Variants in GALNT7 observed in about 807,000 individuals in gnomAD.
GALNT7 encodes N-acetylgalactosaminyltransferase 7.
GALNT7 carries 60 observed loss-of-function variants against 82.1 expected under a neutral mutation model. The ratio of observed to expected loss-of-function variants is 0.73; its 90% CI spans 0.59 to 0.91. The LOEUF (loss-of-function observed/expected upper bound fraction) is 0.91, where lower values mean the gene tolerates loss of function less well. Ranked by LOEUF, GALNT7 falls within the 40% of genes least tolerant of loss-of-function variation. The pLI is 0.00. For synonymous variants in GALNT7, 243 were observed against 275.1 expected, an observed-to-expected ratio of 0.88 and a Z score of 1.15; for missense variants, 660 against 804.2, an observed-to-expected ratio of 0.82 and a Z score of 2.17.
chr4:173,182,817 TACACAC>T (rs66792322), intron 1 of GALNT7, among the ~76,000 whole-genome samples: 21,592 of 134,640 alleles, frequency 0.16, 1,617 homozygotes, highest in Non-Finnish European at 0.18. Flanking sequence ...TTACTCATAA[TACACAC>T]ACACACACAC....
Position 173,302,120 on chromosome 4 carries a change from G to T in GALNT7, c.1222G>T (p.Gly408Cys). The stretch of plus-strand genomic sequence containing the variant: ...CTTTGAATTGGGTCTCTATGATCCA[G>T]GTCTCCAGATTTGGGGTGGTGAAAA... ...FFFELGLYDP[G>C]LQIWGGENFE... Residue 408 changes from glycine (G) to cysteine (C), a missense_variant, in exon 7 of 12, where the codon GGT (glycine) becomes TGT (cysteine). By Grantham distance (159) the Gly-to-Cys change is radical. Coordinates refer to ENST00000265000, the MANE Select transcript of GALNT7 (RefSeq NM_017423.3). The surrounding 1 kb of genome is among the most constrained non-coding windows in gnomAD (Gnocchi z 4.2). 1 of 1,588,824 alleles carries T rather than the reference G, an allele frequency of 6.3e-7. No homozygotes were observed. Among genetic ancestry groups the T allele is most frequent in the East Asian group, 2.2e-5 (1 of 44,724 alleles).
intron 6 of GALNT7, among the ~76,000 whole-genome samples, chr4:173,299,159 G>A (rs867059170): frequency 6.6e-6 from 1 of 152,132 alleles, no homozygotes; most frequent in South Asian, 2.1e-4. Flanking sequence ...ACTCTGTTTT[G>A]GGAAGGTGCT....
In GALNT7 at chr4:173,322,267, A is replaced by G. The variant is rs1408290668; in HGVS notation, c.*550A>G. ...TTTCAACACATTTAGTGCCTCTTTC[A>G]TTTCTCAGTATATATTTCAAGAGCT... On this transcript the variant is annotated 3_prime_UTR_variant, in exon 12 of 12. Transcript: ENST00000265000. 1 of 153,134 alleles carries G rather than the reference A, an allele frequency of 6.5e-6. No individual in the cohort carries two copies. Among genetic ancestry groups the G allele is most frequent in the African/African-American group, 2.4e-5 (1 of 41,430 alleles). 9.5% of individuals were successfully genotyped at this position (153,134 alleles called of 1,614,324 possible). A position where few individuals can be genotyped will look rare whatever the true frequency, so the allele number is the denominator to read the frequency against.
intron 1 of GALNT7, among the ~76,000 whole-genome samples, chr4:173,194,206 G>T (rs1732707067): frequency 6.6e-6 from 1 of 152,210 alleles, no homozygotes; most frequent in Non-Finnish European, 1.5e-5. Context: ...GACTAAGGAT[G>T]TAAACTAATT....
intron 2 of GALNT7, among the ~76,000 whole-genome samples, chr4:173,275,980 G>T (rs568807041): frequency 2.0e-5 from 3 of 152,256 alleles, no homozygotes; most frequent in Admixed American, 6.5e-5. Flanking sequence ...ACACTCCAAA[G>T]CAAGGATTGT....
intron 1 of GALNT7, among the ~76,000 whole-genome samples, chr4:173,220,501 T>A (rs901834517): frequency 2.0e-5 from 3 of 152,216 alleles, no homozygotes; most frequent in African/African-American, 7.2e-5. Flanking sequence ...TTTCTTTTTT[T>A]AAAAAAATTA....
chr4:173,302,055 C>T lies in GALNT7; in HGVS notation c.1157C>T (p.Ala386Val). ...GTGTTTCTTTTTCTTAGGTCCCCAG[C>T]CATGGCTGGGGGATTATTTGCCATT... Reference protein sequence around the residue: ...KTKTEPYRSPAMAGGLFAIER... With the variant: ...KTKTEPYRSPVMAGGLFAIER... The change falls in exon 7 of 12, where the codon GCC becomes GTC. Residue 386 changes from alanine to valine, a missense_variant. Around this residue, in one of 2 missense-constraint regions of GALNT7, gnomAD observed 527 missense variants for 683.5 expected, o/e 0.77. Transcript: ENST00000265000. This position sits in a 1 kb window ranked among gnomAD's most constrained non-coding sequence, Gnocchi z 4.2. The T allele has an allele frequency of 2.6e-6, 4 of 1,517,874 alleles. No individual in the cohort carries two copies. Among genetic ancestry groups the T allele is most frequent in the Non-Finnish European group, 3.7e-6 (4 of 1,092,468 alleles). The allele number at this position is 1,517,874 out of a possible 1,614,324, so 94.0% of individuals were successfully genotyped here.
In GALNT7 at chr4:173,226,252, T is replaced by C. The variant is rs547396077; in HGVS notation, c.127-21728T>C. Among the ~76,000 whole-genome samples the C allele has an allele frequency of 3.9e-5, 6 of 152,334 alleles. 1 individual carries two copies. In the South Asian group the frequency reaches 1.2e-3, roughly 32 times the overall value. On this transcript the variant is annotated intron_variant, in intron 1 of 11. Transcript: ENST00000265000. ...TATTTTTCCCATTGAAGAATATATA[T>C]ATTTAGAGGCATTTGCTCTTATGTC...
At chr4:173,224,856 A>T (rs952809765) in intron 1 of GALNT7, among the ~76,000 whole-genome samples, 6 of 148,874 alleles carry the variant, frequency 4.0e-5, no homozygotes, top group African/African-American at 1.2e-4. Flanking sequence ...ACTAAAAATT[A>T]AAAAAAAAAT....
At chr4:173,227,923 T>C (rs1733889856) in intron 1 of GALNT7, among the ~76,000 whole-genome samples, 1 of 152,176 alleles carries the variant, frequency 6.6e-6, no homozygotes. Context: ...GTGTGAACTT[T>C]CAGCCTAGTC....
chr4:173,261,226 A>G (rs1262446864), intron 2 of GALNT7, among the ~76,000 whole-genome samples: 3 of 152,148 alleles, frequency 2.0e-5, no homozygotes, highest in African/African-American at 7.2e-5. Context: ...ACGCCATCCT[A>G]TCACAGGTGT....
chr4:173,302,254 A>G lies in GALNT7; in HGVS notation c.1266+90A>G. 1.3e-6 allele frequency: 1 copy of G among 753,780 alleles called. No individual in the cohort carries two copies. Among genetic ancestry groups the G allele is most frequent in the South Asian group, 1.5e-5 (1 of 67,748 alleles). The allele number at this position is 753,780 out of a possible 1,614,324, so 46.7% of individuals were successfully genotyped here. ...AAGCTAGTTTTTTGTGGGGGAAAAA[A>G]GCCCACAATTATATCATGCATTTCT... On this transcript the variant is annotated intron_variant, in intron 7 of 11. Transcript: ENST00000265000. The surrounding 1 kb of genome is among the most constrained non-coding windows in gnomAD (Gnocchi z 4.2).
intron 1 of GALNT7, among the ~76,000 whole-genome samples, chr4:173,230,810 G>C (rs1299603420): frequency 2.0e-5 from 3 of 152,140 alleles, no homozygotes; most frequent in Non-Finnish European, 4.4e-5. Flanking sequence ...ATATAATATA[G>C]TTAGCATGTC....
chr4:173,216,587 GTATTTGGCTCTC>G (rs1256325377), intron 1 of GALNT7, among the ~76,000 whole-genome samples: 9 of 151,232 alleles, frequency 6.0e-5, no homozygotes, highest in Admixed American at 2.0e-4. Context: ...TAAACATTCA[GTATTTGGCTCTC>G]TATTTGGCAA....
chr4:173,248,463 C>G (rs1734740464), intron 2 of GALNT7, 23 bp downstream of exon 2: 2 of 1,419,116 alleles, frequency 1.4e-6, no homozygotes, highest in South Asian at 2.5e-5. Flanking sequence ...CCTCTTCTTT[C>G]TAAAAATGGG....
chr4:173,323,245 AGTTT>A lies in GALNT7; in HGVS notation c.*1533_*1536del, dbSNP rs2126883319. 1 of 152,654 alleles carries A rather than the reference AGTTT, an allele frequency of 6.6e-6. No individual in the cohort carries two copies. The highest frequency in any genetic ancestry group is 1.5e-5 in the Non-Finnish European group (1 of 67,968). 9.5% of individuals were successfully genotyped at this position (152,654 alleles called of 1,614,324 possible). On this transcript the variant is annotated 3_prime_UTR_variant, in exon 12 of 12. Coordinates refer to ENST00000265000, the MANE Select transcript of GALNT7 (RefSeq NM_017423.3). ...GAATTCACAAACTACTGCCAGAGGA[AGTTT>A]GTTTTTTAATTTAAGAGGGAAATAT...
intron 1 of GALNT7, among the ~76,000 whole-genome samples, chr4:173,178,076 C>A: frequency 6.8e-6 from 1 of 147,660 alleles, no homozygotes; most frequent in Admixed American, 6.7e-5. Flanking sequence ...TGCGCACAGA[C>A]ACCTATGTAT....
chr4:173,205,455 A>G (rs1733057476), intron 1 of GALNT7, among the ~76,000 whole-genome samples: 1 of 152,068 alleles, frequency 6.6e-6, no homozygotes, highest in African/African-American at 2.4e-5. Flanking sequence ...CTGCTGGAGC[A>G]TGGGGCTGCA....
At chr4:173,202,581 GCCT>G (rs1241101080) in intron 1 of GALNT7, among the ~76,000 whole-genome samples, 1 of 152,080 alleles carries the variant, frequency 6.6e-6, no homozygotes, top group Admixed American at 6.5e-5. Flanking sequence ...TTCAAATCCT[GCCT>G]CCTCCAGGAA....
Sources: allele counts gnomAD v4.1 joint callset (sites outside exome capture counted in the v4.1 genomes callset), GRCh38; gene constraint gnomAD v4.1.1; regional missense constraint gnomAD v4.1.1; non-coding constraint Gnocchi (gnomAD v3.1); transcripts MANE v1.5; gene names NCBI Gene and HGNC (gene_info 2026-07-23, HGNC 2026-07-21).